The following DOK5 variants were observed in gnomAD, a reference collection of about 807,000 sequenced individuals.
DOK5 encodes the protein docking protein 5, also known as downstream of tyrosine kinase 5.
Under a neutral mutation model 43.3 loss-of-function variants are expected in DOK5, and 27 were observed. The observed-to-expected ratio is 0.62, with a 90% confidence interval of 0.46 to 0.86. DOK5 has a LOEUF of 0.86. DOK5 is among the 40% of genes least tolerant of loss of function. The probability of loss-of-function intolerance (pLI) is 0.00; values close to 1 mark genes in which losing one functional copy is unlikely to be tolerated. For missense variants in DOK5, 373 were observed against 392.9 expected (o/e 0.95, Z 0.43); for synonymous variants, 146 against 140.1 (o/e 1.04, Z -0.30).
At chr20:54,493,070 A>G (rs1195740226) in intron 1 of DOK5, among the ~76,000 whole-genome samples, 2 of 151,382 alleles carry the variant, frequency 1.3e-5, no homozygotes, top group African/African-American at 4.9e-5. Context: ...AAAAAAAAAA[A>G]AAAAAAAAAA....
intron 2 of DOK5, among the ~76,000 whole-genome samples, chr20:54,562,525 C>T (rs1321395780): frequency 6.6e-6 from 1 of 152,068 alleles, no homozygotes; most frequent in Non-Finnish European, 1.5e-5. Context: ...CTTAAGCAGT[C>T]CTCCCACCTC....
At chr20:54,602,100 C>G (rs116694759) in intron 5 of DOK5, among the ~76,000 whole-genome samples, 127 of 152,244 alleles carry the variant, frequency 8.3e-4, no homozygotes, top group Non-Finnish European at 1.6e-3. Context: ...GTGCCTCTCT[C>G]GTGAGGTTTT....
At chr20:54,622,755 C>T (rs1052869078) in intron 6 of DOK5, among the ~76,000 whole-genome samples, 2 of 152,124 alleles carry the variant, frequency 1.3e-5, no homozygotes, top group East Asian at 1.9e-4. Context: ...TAAAATCACA[C>T]GTGCATCTGC....
intron 2 of DOK5, among the ~76,000 whole-genome samples, chr20:54,560,482 T>C (rs1259634199): frequency 6.6e-6 from 1 of 152,240 alleles, no homozygotes; most frequent in African/African-American, 2.4e-5. Flanking sequence ...TAAAAGAGGT[T>C]GACTGTAGTA....
intron 6 of DOK5, among the ~76,000 whole-genome samples, chr20:54,631,379 C>A (rs1489265761): frequency 1.3e-5 from 2 of 151,368 alleles, no homozygotes; most frequent in East Asian, 3.9e-4. Context: ...TTTGCCACTG[C>A]ACTCCAGCCT....
intron 1 of DOK5, among the ~76,000 whole-genome samples, chr20:54,527,399 C>T (rs969798131): frequency 6.6e-6 from 1 of 152,162 alleles, no homozygotes; most frequent in South Asian, 2.1e-4. Flanking sequence ...CTGGCTGTTA[C>T]CAGGAAACAG....
chr20:54,604,412 C>A (rs1986400544), intron 5 of DOK5, among the ~76,000 whole-genome samples: 1 of 151,668 alleles, frequency 6.6e-6, no homozygotes, highest in South Asian at 2.1e-4. Flanking sequence ...CTGACACCCA[C>A]CCCTCTTCTC....
At chr20:54,571,979 G>A (rs1985297314) in intron 2 of DOK5, among the ~76,000 whole-genome samples, 1 of 152,036 alleles carries the variant, frequency 6.6e-6, no homozygotes, top group Non-Finnish European at 1.5e-5. Flanking sequence ...ATAAACCCGT[G>A]CTCATCCTTC....
chr20:54,493,059 C>CAAA (rs66973631), intron 1 of DOK5, among the ~76,000 whole-genome samples: 5 of 59,494 alleles, frequency 8.4e-5, no homozygotes, highest in African/African-American at 2.2e-4. Context: ...TGTCCCCCTC[C>CAAA]AAAAAAAAAA....
chr20:54,480,977 T>TATC (rs765750099), intron 1 of DOK5, among the ~76,000 whole-genome samples: 2,623 of 62,876 alleles, frequency 0.042, 41 homozygotes, highest in South Asian at 0.1. Context: ...ATCATCTATC[T>TATC]ATCTATCATC....
chr20:54,542,099 T>TACACACAGACACAC lies in DOK5; in HGVS notation c.67-12827_67-12826insGACACACACACACA, dbSNP rs763674242. Among the ~76,000 whole-genome samples the TACACACAGACACAC allele has an allele frequency of 2.1e-3, 257 of 122,052 alleles. 2 individuals carry two copies. The highest frequency in any genetic ancestry group is 9.1e-3 in the South Asian group (37 of 4,080). 80.1% of individuals were successfully genotyped at this position (122,052 alleles called of 152,430 possible). ...TCACACCATGAGACATATTATAAGA[T>TACACACAGACACAC]ACACACACACACACACACACACACA... On this transcript the variant is annotated intron_variant, in intron 1 of 7. Coordinates refer to ENST00000262593, the MANE Select transcript of DOK5 (RefSeq NM_018431.5).
At chr20:54,557,893 G>A (rs765950479) in intron 2 of DOK5, among the ~76,000 whole-genome samples, 11 of 152,122 alleles carry the variant, frequency 7.2e-5, no homozygotes, top group Non-Finnish European at 1.0e-4. Context: ...GTTTCCTATT[G>A]TCTTCCCCTC....
At chr20:54,522,643 G>C (rs544656780) in intron 1 of DOK5, among the ~76,000 whole-genome samples, 13 of 150,874 alleles carry the variant, frequency 8.6e-5, no homozygotes, top group African/African-American at 3.2e-4. Context: ...CCTCAGCTTC[G>C]TAAGTAGCTG....
intron 6 of DOK5, among the ~76,000 whole-genome samples, chr20:54,631,179 T>G (rs1236083259): frequency 1.3e-5 from 2 of 152,192 alleles, no homozygotes; most frequent in East Asian, 3.8e-4. Flanking sequence ...CCAATTTGTG[T>G]TAAATATACA....
At chr20:54,650,324 T>C in intron 7 of DOK5, 91 bp from the exon 8 acceptor site, 1 of 1,294,782 alleles carries the variant, frequency 7.7e-7, no homozygotes, top group African/African-American at 1.5e-5. Flanking sequence ...TACATTTACT[T>C]ATTTCTGTTA....
intron 1 of DOK5, among the ~76,000 whole-genome samples, chr20:54,504,794 T>G (rs573768448): frequency 6.6e-6 from 1 of 152,352 alleles, no homozygotes; most frequent in African/African-American, 2.4e-5. Context: ...ACAAATGTTG[T>G]GTGCATCAAA....
At chr20:54,607,916 CAAAA>C (rs1322821855) in intron 5 of DOK5, among the ~76,000 whole-genome samples, 5 of 149,906 alleles carry the variant, frequency 3.3e-5, no homozygotes, top group African/African-American at 4.9e-5. Context: ...CAAAACAAAA[CAAAA>C]CAAAACAAAG....
intron 6 of DOK5, among the ~76,000 whole-genome samples, chr20:54,630,490 A>G (rs574359265): frequency 1.7e-4 from 26 of 152,182 alleles, no homozygotes; most frequent in Non-Finnish European, 2.9e-4. Context: ...GGAGTGGGAA[A>G]TAGTCTCCTT....
At chr20:54,526,348 G>A (rs753618470) in intron 1 of DOK5, among the ~76,000 whole-genome samples, 22 of 152,080 alleles carry the variant, frequency 1.4e-4, no homozygotes, top group Non-Finnish European at 2.4e-4. Context: ...ACGGCATGGC[G>A]CCAGGATCCA....
Sources: allele counts gnomAD v4.1 joint callset (sites outside exome capture counted in the v4.1 genomes callset), GRCh38; gene constraint gnomAD v4.1.1; transcripts MANE v1.5; gene names NCBI Gene and HGNC (gene_info 2026-07-23, HGNC 2026-07-21).